Variants in LTBP1 observed in about 807,000 individuals in gnomAD.
The protein encoded by LTBP1 is latent transforming growth factor beta binding protein 1, also known as latent-transforming growth factor beta-binding protein 1.
LTBP1 carries 129 observed loss-of-function variants against 207.6 expected under a neutral mutation model. That is an observed-to-expected ratio of 0.62 (90% confidence interval 0.54 to 0.72). The LOEUF (loss-of-function observed/expected upper bound fraction) is 0.72, where lower values mean the gene tolerates loss of function less well. Among genes scored for constraint, LTBP1 ranks in the 30% least tolerant of loss-of-function variants. LTBP1 has a pLI of 0.00. For synonymous variants in LTBP1, 963 were observed against 833.7 expected, an observed-to-expected ratio of 1.16 and a Z score of -2.67; for missense variants, 2,281 against 2,217.2, an observed-to-expected ratio of 1.03 and a Z score of -0.58.
chr2:33,182,749 T>A, intron 5 of LTBP1, among the ~76,000 whole-genome samples: 1 of 136,868 alleles, frequency 7.3e-6, no homozygotes, highest in Non-Finnish European at 1.6e-5. Flanking sequence ...CATATATATG[T>A]ATGTATGTGT....
Position 33,019,496 on chromosome 2 carries a change from G to A in LTBP1, c.566-1413G>A, listed in dbSNP as rs1484016946. Reference sequence around the variant, plus strand: ...ATTACAGGCCCCTGCCACCACACTCGGCTAGTTTTTGTATTTTTAGTAGAG... The same window carrying A: ...ATTACAGGCCCCTGCCACCACACTCAGCTAGTTTTTGTATTTTTAGTAGAG... On this transcript the variant is annotated intron_variant, in intron 2 of 33. Transcript: ENST00000404816. Among the ~76,000 whole-genome samples the A allele has an allele frequency of 2.0e-5, 3 of 150,704 alleles. No individual in the cohort carries two copies. The South Asian group carries it at 6.3e-4, about 32-fold the overall frequency.
intron 22 of LTBP1, among the ~76,000 whole-genome samples, chr2:33,305,684 T>A (rs1462430131): frequency 6.6e-6 from 1 of 152,112 alleles, no homozygotes; most frequent in East Asian, 1.9e-4. Flanking sequence ...TGAAATTAAT[T>A]GGGAATGAGT....
chr2:33,158,629 G>A (rs1455058495), intron 5 of LTBP1, among the ~76,000 whole-genome samples: 1 of 152,128 alleles, frequency 6.6e-6, no homozygotes, highest in Non-Finnish European at 1.5e-5. Flanking sequence ...GAGATTCATT[G>A]ACATTGTGGT....
intron 3 of LTBP1, among the ~76,000 whole-genome samples, chr2:33,043,855 A>T (rs2076313856): frequency 6.6e-6 from 1 of 152,164 alleles, no homozygotes; most frequent in African/African-American, 2.4e-5. Context: ...ACGGTGTTTA[A>T]ATAGTTAATG....
chr2:32,965,039 T>TA (rs1017366407), intron 2 of LTBP1, among the ~76,000 whole-genome samples: 2 of 151,638 alleles, frequency 1.3e-5, no homozygotes, highest in African/African-American at 2.4e-5. Flanking sequence ...ACTATCTTAA[T>TA]AAAAAAAACA....
At chr2:33,045,634 T>C (rs1165212030) in intron 3 of LTBP1, among the ~76,000 whole-genome samples, 1 of 152,234 alleles carries the variant, frequency 6.6e-6, no homozygotes, top group Non-Finnish European at 1.5e-5. Flanking sequence ...AAGTAGTTTT[T>C]TCTAATTCTG....
At position 33,021,207 on chromosome 2, in the gene LTBP1, G is replaced by C; in HGVS notation, c.863+1G>C. 1 of 1,580,210 alleles carries C rather than the reference G, an allele frequency of 6.3e-7. No individual in the cohort carries two copies. The highest frequency in any genetic ancestry group is 8.6e-7 in the Non-Finnish European group (1 of 1,158,150). ...GACTCCCCCAGCAGATACATTCTCAGTGAGTGTTTCGAACTTTCATTTAGC... is the reference window on the plus strand; with the variant it reads ...GACTCCCCCAGCAGATACATTCTCACTGAGTGTTTCGAACTTTCATTTAGC... On this transcript the variant is annotated splice_donor_variant, in intron 3 of 33. Coordinates refer to ENST00000404816, the MANE Select transcript of LTBP1 (RefSeq NM_206943.4). LOFTEE classifies it high-confidence loss of function.
intron 3 of LTBP1, among the ~76,000 whole-genome samples, chr2:33,088,981 C>T (rs1331833932): frequency 6.6e-6 from 1 of 151,504 alleles, no homozygotes; most frequent in Non-Finnish European, 1.5e-5. Flanking sequence ...CATGTTGAAA[C>T]CCTGTGTCTA....
In LTBP1 at chr2:33,162,463, A is replaced by T. The variant is rs76572369; in HGVS notation, c.1202-24393A>T. On this transcript the variant is annotated intron_variant, in intron 5 of 33. Transcript: ENST00000404816. The stretch of plus-strand genomic sequence containing the variant: ...AGAATTTTCCATTTTAATCATAACA[A>T]CTCTGAACATTTTTATGCTAATGGT... Among the ~76,000 whole-genome samples, 3 of 152,090 alleles carry T rather than the reference A, an allele frequency of 2.0e-5. No homozygotes were observed. In the East Asian group the frequency reaches 5.8e-4, roughly 29 times the overall value.
chr2:33,348,786 T>C (rs1365652401), intron 26 of LTBP1, among the ~76,000 whole-genome samples: 1 of 152,198 alleles, frequency 6.6e-6, no homozygotes, highest in African/African-American at 2.4e-5. Flanking sequence ...GATATTCCAA[T>C]GATCACACTC....
At chr2:33,171,659 C>T (rs1309375534) in intron 5 of LTBP1, among the ~76,000 whole-genome samples, 4 of 151,788 alleles carry the variant, frequency 2.6e-5, no homozygotes, top group Non-Finnish European at 5.9e-5. Flanking sequence ...ACAGAGAACG[C>T]CACAAAGATA....
intron 24 of LTBP1, among the ~76,000 whole-genome samples, chr2:33,332,613 G>A (rs895258633): frequency 6.6e-6 from 1 of 151,372 alleles, no homozygotes; most frequent in African/African-American, 2.4e-5. Context: ...CTGGAGTGCA[G>A]TGGTGCTATC....
chr2:33,339,974 G>T (rs2094598031), intron 24 of LTBP1, among the ~76,000 whole-genome samples: 1 of 152,012 alleles, frequency 6.6e-6, no homozygotes. Context: ...AGTCACCAAG[G>T]TCAGGAAATG....
chr2:33,194,910 C>T (rs573872112), intron 7 of LTBP1, among the ~76,000 whole-genome samples: 3 of 152,298 alleles, frequency 2.0e-5, no homozygotes, highest in African/African-American at 7.2e-5. Context: ...ATAGGCTGTT[C>T]TGAAAATTCT....
intron 4 of LTBP1, among the ~76,000 whole-genome samples, chr2:33,124,409 C>CAA (rs150446006): frequency 1.2e-4 from 17 of 141,944 alleles, no homozygotes; most frequent in African/African-American, 3.9e-4. Context: ...GACTCCGTCT[C>CAA]AAAAAAAAAA....
chr2:33,120,880 C>G (rs904740178), intron 4 of LTBP1, among the ~76,000 whole-genome samples: 1 of 152,172 alleles, frequency 6.6e-6, no homozygotes, highest in Non-Finnish European at 1.5e-5. Flanking sequence ...AAGCAAAGTA[C>G]TATGCTATTA....
At chr2:32,964,710 C>A (rs747276742) in intron 2 of LTBP1, among the ~76,000 whole-genome samples, 1 of 151,690 alleles carries the variant, frequency 6.6e-6, no homozygotes, top group Non-Finnish European at 1.5e-5. Context: ...CTAAGTAAAT[C>A]AAAAAGTATT....
chr2:32,950,756 C>T (rs1676983372), intron 2 of LTBP1, among the ~76,000 whole-genome samples: 1 of 152,136 alleles, frequency 6.6e-6, no homozygotes, highest in Non-Finnish European at 1.5e-5. Flanking sequence ...TACAGATAGG[C>T]AGAAGCTCCT....
intron 5 of LTBP1, among the ~76,000 whole-genome samples, chr2:33,172,884 C>T (rs370112406): frequency 0.032 from 4,939 of 152,154 alleles, 105 homozygotes; most frequent in Middle Eastern, 0.13. Flanking sequence ...GGAAACTGAA[C>T]AACCTGCTCC....
Sources: allele counts gnomAD v4.1 joint callset (sites outside exome capture counted in the v4.1 genomes callset), GRCh38; gene constraint gnomAD v4.1.1; transcripts MANE v1.5; gene names NCBI Gene and HGNC (gene_info 2026-07-23, HGNC 2026-07-21).